The following TRAPPC10 variants were observed in gnomAD, a reference collection of about 807,000 sequenced individuals.
The protein encoded by TRAPPC10 is TRAPP 130 kDa subunit.
A neutral mutation model predicts 125.5 loss-of-function variants in TRAPPC10; 23 were observed. The ratio of observed to expected loss-of-function variants is 0.18; its 90% CI spans 0.13 to 0.26. The LOEUF is 0.26. Ranked by LOEUF, TRAPPC10 falls within the 10% of genes least tolerant of loss-of-function variation. The pLI is 1.00. For synonymous variants in TRAPPC10, 509 were observed against 518.0 expected (o/e 0.98, Z 0.24); for missense variants, 1,123 against 1,308.4 (o/e 0.86, Z 2.19).
intron 20 of TRAPPC10, among the ~76,000 whole-genome samples, chr21:44,095,608 G>A (rs1308405233): frequency 6.6e-6 from 1 of 151,902 alleles, no homozygotes; most frequent in Non-Finnish European, 1.5e-5. Context: ...GTGTCGCCCA[G>A]GCTGGAGTGC....
intron 11 of TRAPPC10, among the ~76,000 whole-genome samples, chr21:44,079,230 G>C (rs1429294705): frequency 1.3e-5 from 2 of 152,166 alleles, no homozygotes; most frequent in East Asian, 3.8e-4. Flanking sequence ...CCTCTTGCCT[G>C]TCAGCTTGAG....
intron 3 of TRAPPC10, among the ~76,000 whole-genome samples, chr21:44,045,807 C>T (rs907523738): frequency 5.3e-5 from 8 of 152,090 alleles, no homozygotes; most frequent in East Asian, 1.9e-4. Context: ...TCGCCCACCT[C>T]GGCCTCCCAA....
chr21:44,040,322 T>C (rs908049817), intron 3 of TRAPPC10, among the ~76,000 whole-genome samples: 5 of 152,104 alleles, frequency 3.3e-5, no homozygotes, highest in Admixed American at 2.6e-4. Context: ...TTTATTTTAT[T>C]AGAGATTTTT....
intron 2 of TRAPPC10, among the ~76,000 whole-genome samples, chr21:44,036,507 T>G (rs774281571): frequency 6.6e-6 from 1 of 152,214 alleles, no homozygotes; most frequent in Non-Finnish European, 1.5e-5. Context: ...TTCCATCACT[T>G]CTGTGTACAG....
intron 5 of TRAPPC10, 96 bp downstream of exon 5, chr21:44,055,989 CGTG>C: frequency 2.7e-6 from 3 of 1,117,364 alleles, no homozygotes; most frequent in Non-Finnish European, 3.7e-6. Flanking sequence ...AGGCACCTCT[CGTG>C]GTAATCTCAT....
At chr21:44,070,256 A>T (rs1349387245) in intron 7 of TRAPPC10, among the ~76,000 whole-genome samples, 5 of 152,230 alleles carry the variant, frequency 3.3e-5, no homozygotes, top group Admixed American at 3.3e-4. Flanking sequence ...AAGTGGCAAG[A>T]TGGCACTTGC....
At chr21:44,047,924 A>C (rs543979521) in intron 3 of TRAPPC10, among the ~76,000 whole-genome samples, 1 of 152,148 alleles carries the variant, frequency 6.6e-6, no homozygotes, top group South Asian at 2.1e-4. Flanking sequence ...ATTTCTATTG[A>C]TTGATTTTTC....
At chr21:44,019,681 T>TA (rs2032277077) in intron 1 of TRAPPC10, among the ~76,000 whole-genome samples, 1 of 152,166 alleles carries the variant, frequency 6.6e-6, no homozygotes, top group Admixed American at 6.5e-5. Flanking sequence ...CTCCTGAACT[T>TA]AATTAAGTCT....
Position 44,083,076 on chromosome 21 carries a change from T to C in TRAPPC10, c.2012T>C (p.Leu671Ser). The C allele has an allele frequency of 6.2e-7, 1 of 1,614,058 alleles. No individual in the cohort carries two copies. The highest frequency in any genetic ancestry group is 8.5e-7 in the Non-Finnish European group (1 of 1,180,008). The change falls in exon 14 of 23, where the codon TTG (leucine) becomes TCG (serine). Residue 671 changes from leucine to serine, a missense_variant. Transcript: ENST00000291574. ...CCTTTCCCTGTATCCCAAAACAGTT[T>C]GCCCGCGCTGGAGTTGTATGAAATG... ...TAPFPVSQNSLPALELYEMFE... is the reference protein window; with the variant it reads ...TAPFPVSQNSSPALELYEMFE...
chr21:44,081,275 C>T (rs1041555984), intron 13 of TRAPPC10, among the ~76,000 whole-genome samples: 63 of 152,072 alleles, frequency 4.1e-4, no homozygotes, highest in Non-Finnish European at 8.2e-4. Context: ...CTCCTCCCAC[C>T]TCCACCTCCT....
In TRAPPC10 at chr21:44,076,063, T is replaced by A. The variant is rs772446247; in HGVS notation, c.1301-489T>A. On this transcript the variant is annotated intron_variant, in intron 9 of 22. Coordinates refer to ENST00000291574, the MANE Select transcript of TRAPPC10 (RefSeq NM_003274.5). Reference sequence around the variant, plus strand: ...AAACTCTGTCAAAAAAAAAAAAAAATTCTCCTGGATAATAAGGCTCTTTGA... The same window carrying A: ...AAACTCTGTCAAAAAAAAAAAAAAAATCTCCTGGATAATAAGGCTCTTTGA... Among the ~76,000 whole-genome samples the A allele has an allele frequency of 4.0e-3, 601 of 150,402 alleles. 3 individuals are homozygous for A. Among genetic ancestry groups the A allele is most frequent in the Non-Finnish European group, 6.6e-3 (447 of 67,838 alleles).
chr21:44,093,803 A>G (rs2038744901), intron 19 of TRAPPC10, among the ~76,000 whole-genome samples: 1 of 152,224 alleles, frequency 6.6e-6, no homozygotes, highest in East Asian at 1.9e-4. Context: ...CTCATATGAT[A>G]TAAAACTTAT....
intron 7 of TRAPPC10, among the ~76,000 whole-genome samples, chr21:44,072,409 C>G (rs940752895): frequency 8.5e-5 from 13 of 152,182 alleles, no homozygotes; most frequent in African/African-American, 2.9e-4. Flanking sequence ...GCATCTTTAC[C>G]AAAAGCACTG....
chr21:44,075,254 T>C, intron 9 of TRAPPC10, 101 bp downstream of exon 9: 1 of 809,756 alleles, frequency 1.2e-6, no homozygotes, highest in African/African-American at 1.7e-5. Flanking sequence ...AGTAATCATA[T>C]TACTCACCAT....
Position 44,085,656 on chromosome 21 carries a change from G to A in TRAPPC10, c.2381-1146G>A, listed in dbSNP as rs2038076033. On this transcript the variant is annotated intron_variant, in intron 15 of 22. Transcript: ENST00000291574. ...CAGGAGTTTGAGGCCTCAGGGAGCTGTGATTGCGCCACTGTTCTCCAGCGT... is the reference window on the plus strand; with the variant it reads ...CAGGAGTTTGAGGCCTCAGGGAGCTATGATTGCGCCACTGTTCTCCAGCGT... Among the ~76,000 whole-genome samples the A allele has an allele frequency of 2.6e-5, 4 of 151,732 alleles. No homozygotes were observed. In the South Asian group the frequency reaches 8.3e-4, roughly 31 times the overall value.
chr21:44,083,984 C>T, intron 14 of TRAPPC10, 138 bp from the exon 15 acceptor site: 1 of 921,934 alleles, frequency 1.1e-6, no homozygotes, highest in Non-Finnish European at 1.6e-6. Context: ...GAGGTTTAGG[C>T]ACAAGAGCAG....
chr21:44,034,012 A>G (rs751849707), intron 2 of TRAPPC10, among the ~76,000 whole-genome samples: 1 of 152,256 alleles, frequency 6.6e-6, no homozygotes, highest in Non-Finnish European at 1.5e-5. Flanking sequence ...ATCACCCTAA[A>G]GAACTAAAAA....
intron 1 of TRAPPC10, among the ~76,000 whole-genome samples, chr21:44,021,420 G>A (rs2032487416): frequency 6.6e-6 from 1 of 152,036 alleles, no homozygotes; most frequent in Admixed American, 6.6e-5. Flanking sequence ...GAAGGATAAG[G>A]GAAATGGAAG....
chr21:44,038,420 GTTTC>G (rs2034155479), intron 3 of TRAPPC10, among the ~76,000 whole-genome samples: 1 of 151,662 alleles, frequency 6.6e-6, no homozygotes. Context: ...GTCATCTGTT[GTTTC>G]TTCTGCTTGT....
Sources: allele counts gnomAD v4.1 joint callset (sites outside exome capture counted in the v4.1 genomes callset), GRCh38; gene constraint gnomAD v4.1.1; transcripts MANE v1.5; gene names NCBI Gene and HGNC (gene_info 2026-07-23, HGNC 2026-07-21).